The following GM2A variants were observed in gnomAD, a reference collection of about 807,000 sequenced individuals.
GM2A encodes GM2 ganglioside activator.
GM2A carries 7 observed loss-of-function variants against 12.9 expected under a neutral mutation model. The ratio of observed to expected loss-of-function variants is 0.54; its 90% CI spans 0.31 to 1.02. The LOEUF (loss-of-function observed/expected upper bound fraction) is 1.02, where lower values mean the gene tolerates loss of function less well. GM2A is among the 50% of genes least tolerant of loss of function. The pLI, the probability that GM2A is intolerant of heterozygous loss-of-function variation, is 0.05. For missense variants in GM2A, 246 were observed against 241.0 expected (o/e 1.02, Z -0.14); for synonymous variants, 101 against 96.0 (o/e 1.05, Z -0.30).
intron 3 of GM2A, 86 bp downstream of exon 3, chr5:151,266,999 A>G: frequency 1.8e-6 from 2 of 1,096,694 alleles, no homozygotes; most frequent in Non-Finnish European, 2.8e-6. Flanking sequence ...CTCCTTCTGC[A>G]GATCTGCATG....
Position 151,267,734 on chromosome 5 carries a change from G to A in GM2A, c.*283G>A, listed in dbSNP as rs1037472231. 14 of 1,313,124 alleles carry A rather than the reference G, an allele frequency of 1.1e-5. No homozygotes were observed. Among genetic ancestry groups the A allele is most frequent in the Admixed American group, 5.5e-5 (2 of 36,682 alleles). The allele number at this position is 1,313,124 out of a possible 1,614,324, so 81.3% of individuals were successfully genotyped here. On this transcript the variant is annotated 3_prime_UTR_variant, in exon 4 of 4. Coordinates refer to ENST00000357164, the MANE Select transcript of GM2A (RefSeq NM_000405.5). ...GTTAACATTCTCTCTAAAGAGCCTCGTTCATTTCCAAAGCAGTTAAGGAAT... is the reference window on the plus strand; with the variant it reads ...GTTAACATTCTCTCTAAAGAGCCTCATTCATTTCCAAAGCAGTTAAGGAAT...
At chr5:151,264,468 G>C (rs557239397) in intron 2 of GM2A, among the ~76,000 whole-genome samples, 1 of 152,272 alleles carries the variant, frequency 6.6e-6, no homozygotes, top group South Asian at 2.1e-4. Flanking sequence ...TCCCCCTACT[G>C]GCCTCCTCCA....
chr5:151,264,327 G>A (rs760543938), intron 2 of GM2A, among the ~76,000 whole-genome samples: 4 of 152,126 alleles, frequency 2.6e-5, no homozygotes, highest in Non-Finnish European at 5.9e-5. Context: ...GTTGACTTCA[G>A]TTCAGTACAC....
At position 151,268,681 on chromosome 5, in the gene GM2A, CA is replaced by C. The variant is rs397883774; in HGVS notation, c.*1239del. On this transcript the variant is annotated 3_prime_UTR_variant, in exon 4 of 4. Coordinates refer to ENST00000357164, the MANE Select transcript of GM2A (RefSeq NM_000405.5). Reference sequence around the variant, plus strand: ...CTGGTGACAGAGTGAGACTCTGTCTCAAAAAAAAAGTTTCAATGTTTACTCC... The same window carrying C: ...CTGGTGACAGAGTGAGACTCTGTCTCAAAAAAAAGTTTCAATGTTTACTCC... 4.0e-4 allele frequency: 210 copies of C among 530,392 alleles called. No homozygotes were observed. Among genetic ancestry groups the C allele is most frequent in the South Asian group, 5.1e-4 (6 of 11,862 alleles). The allele number at this position is 530,392 out of a possible 1,614,324, so 32.9% of individuals were successfully genotyped here. A position where few individuals can be genotyped will look rare whatever the true frequency, so the allele number is the denominator to read the frequency against.
At position 151,269,533 on chromosome 5, in the gene GM2A, G is replaced by A. The variant is rs1380934185; in HGVS notation, c.*2082G>A. The A allele has an allele frequency of 1.2e-6, 1 of 833,826 alleles. No individual in the cohort carries two copies. The highest frequency in any genetic ancestry group is 1.4e-6 in the Non-Finnish European group (1 of 691,576). The allele number at this position is 833,826 out of a possible 1,614,324, so 51.7% of individuals were successfully genotyped here. A position where few individuals can be genotyped will look rare whatever the true frequency, so the allele number is the denominator to read the frequency against. ...TCCCAGAGACAAAATCTTTTTATCTGAGGAATTTAAAAGGGAGCAAAGACC... is the reference window on the plus strand; with the variant it reads ...TCCCAGAGACAAAATCTTTTTATCTAAGGAATTTAAAAGGGAGCAAAGACC... On this transcript the variant is annotated 3_prime_UTR_variant, in exon 4 of 4. Coordinates refer to ENST00000357164, the MANE Select transcript of GM2A (RefSeq NM_000405.5).
chr5:151,269,779 G>C lies in GM2A; in HGVS notation c.*2328G>C, dbSNP rs1753972105. On this transcript the variant is annotated 3_prime_UTR_variant, in exon 4 of 4. Coordinates refer to ENST00000357164, the MANE Select transcript of GM2A (RefSeq NM_000405.5). ...CTTTAAGGTCCATAAATATCCCTAA[G>C]GAAAAATCCACCGTGGTACATTCAG... is the stretch of plus-strand genomic sequence containing the variant. 5.6e-6 allele frequency: 1 copy of C among 177,904 alleles called. No individual in the cohort carries two copies. Among genetic ancestry groups the C allele is most frequent in the Admixed American group, 6.5e-5 (1 of 15,494 alleles). 11.0% of individuals were successfully genotyped at this position (177,904 alleles called of 1,614,324 possible). A position where few individuals can be genotyped will look rare whatever the true frequency, so the allele number is the denominator to read the frequency against.
chr5:151,267,418 C>T lies in GM2A; in HGVS notation c.549C>T (p.Cys183=). ...GCAGCAGTGGGAAGCGTCTGGGCTG[C>T]ATCAAGATCGCTGCCTCTCTAAAGG... ...VLSSSGKRLG[C]IKIAASLKGI is the part of the protein sequence containing the mutation. The change falls in exon 4 of 4, where the codon TGC becomes TGT. Residue 183 remains cysteine (C), a synonymous_variant. Coordinates refer to ENST00000357164, the MANE Select transcript of GM2A (RefSeq NM_000405.5). 1 of 1,614,180 alleles carries T rather than the reference C, an allele frequency of 6.2e-7. No individual in the cohort carries two copies. The highest frequency in any genetic ancestry group is 8.5e-7 in the Non-Finnish European group (1 of 1,180,032).
At chr5:151,265,825 G>A (rs1244573187) in intron 2 of GM2A, among the ~76,000 whole-genome samples, 51 of 152,162 alleles carry the variant, frequency 3.4e-4, no homozygotes, top group Admixed American at 2.9e-3. Context: ...TAGCTTTCCC[G>A]GCTGAGTCAG....
chr5:151,265,654 C>T (rs376845938), intron 2 of GM2A, among the ~76,000 whole-genome samples: 1 of 152,162 alleles, frequency 6.6e-6, no homozygotes, highest in African/African-American at 2.4e-5. Context: ...GACTGTTCAG[C>T]GCGTGCCCGG....
At chr5:151,267,270 C>T (rs1160618967) in intron 3 of GM2A, 26 bp from the exon 4 acceptor site, 4 of 1,614,122 alleles carry the variant, frequency 2.5e-6, no homozygotes, top group Non-Finnish European at 3.4e-6. Flanking sequence ...CTCCCACTGA[C>T]TGGCGGTCCA....
In GM2A at chr5:151,267,659, G is replaced by A; in HGVS notation, c.*208G>A. 6.7e-7 allele frequency: 1 copy of A among 1,501,804 alleles called. No individual in the cohort carries two copies. The highest frequency in any genetic ancestry group is 2.6e-5 in the East Asian group (1 of 37,786). The allele number at this position is 1,501,804 out of a possible 1,614,324, so 93.0% of individuals were successfully genotyped here. On this transcript the variant is annotated 3_prime_UTR_variant, in exon 4 of 4. Coordinates refer to ENST00000357164, the MANE Select transcript of GM2A (RefSeq NM_000405.5). ...GACCTAAGGGAGAATGAGTTGGACA[G>A]TTCTTGATAGCCCAGGGCATCTGCT...
intron 1 of GM2A, 102 bp from the exon 2 acceptor site, chr5:151,259,653 C>T: frequency 9.1e-7 from 1 of 1,095,058 alleles, no homozygotes; most frequent in Non-Finnish European, 1.4e-6. Flanking sequence ...GGTGCCTCAC[C>T]CAAGGTCACT....
Position 151,267,694 on chromosome 5 carries a change from ACGTTACTCAT to A in GM2A, c.*245_*254del. 2.8e-6 allele frequency: 4 copies of A among 1,443,626 alleles called. No individual in the cohort carries two copies. The highest frequency in any genetic ancestry group is 3.7e-6 in the Non-Finnish European group (4 of 1,089,216). 89.4% of individuals were successfully genotyped at this position (1,443,626 alleles called of 1,614,324 possible). A position where few individuals can be genotyped will look rare whatever the true frequency, so the allele number is the denominator to read the frequency against. On this transcript the variant is annotated 3_prime_UTR_variant, in exon 4 of 4. Coordinates refer to ENST00000357164, the MANE Select transcript of GM2A (RefSeq NM_000405.5). ...GCCCAGGGCATCTGCTGGGCTGACCACGTTACTCATCCCCGTTAACATTCTCTCTAAAGAG... is the reference window on the plus strand; with the variant it reads ...GCCCAGGGCATCTGCTGGGCTGACCACCCCGTTAACATTCTCTCTAAAGAG...
intron 1 of GM2A, among the ~76,000 whole-genome samples, chr5:151,257,525 A>T (rs1295585890): frequency 2.0e-5 from 3 of 151,682 alleles, no homozygotes; most frequent in East Asian, 3.9e-4. Context: ...CTCCAGCCTG[A>T]CTCTTAATTC....
chr5:151,255,022 C>T (rs1380962369), intron 1 of GM2A, among the ~76,000 whole-genome samples: 1 of 152,086 alleles, frequency 6.6e-6, no homozygotes, highest in Non-Finnish European at 1.5e-5. Flanking sequence ...AAACCCAAGA[C>T]CAGGTGCGGT....
At chr5:151,266,934 G>A in intron 3 of GM2A, 21 bp downstream of exon 3, 1 of 1,587,668 alleles carries the variant, frequency 6.3e-7, no homozygotes, top group Non-Finnish European at 8.6e-7. Context: ...AGGGAGGAGA[G>A]AGCGTTACCC....
chr5:151,257,177 T>G (rs995590401), intron 1 of GM2A, among the ~76,000 whole-genome samples: 3 of 152,110 alleles, frequency 2.0e-5, no homozygotes, highest in African/African-American at 7.2e-5. Context: ...CTAGTTGGCC[T>G]AGGCTGGAAT....
At chr5:151,266,183 A>G (rs1444085040) in intron 2 of GM2A, among the ~76,000 whole-genome samples, 1 of 152,222 alleles carries the variant, frequency 6.6e-6, no homozygotes, top group East Asian at 1.9e-4. Flanking sequence ...TACCTAAAGA[A>G]TTCTAAGACT....
chr5:151,267,497 T>C lies in GM2A; in HGVS notation c.*46T>C. 1.2e-6 allele frequency: 2 copies of C among 1,612,194 alleles called. No individual in the cohort carries two copies. The highest frequency in any genetic ancestry group is 1.7e-6 in the Non-Finnish European group (2 of 1,179,170). On this transcript the variant is annotated 3_prime_UTR_variant, in exon 4 of 4. Transcript: ENST00000357164. ...AATGGAGCGGTGTGAGGAAGGTCCC[T>C]TTTCCTCTGTTTTGTGTTTGCCAAG...
Sources: allele counts gnomAD v4.1 joint callset (sites outside exome capture counted in the v4.1 genomes callset), GRCh38; gene constraint gnomAD v4.1.1; transcripts MANE v1.5; gene names NCBI Gene and HGNC (gene_info 2026-07-23, HGNC 2026-07-21).